The following ZNF362 variants were observed in gnomAD, a reference collection of about 807,000 sequenced individuals.
The protein encoded by ZNF362 is rotund homolog.
A neutral mutation model predicts 42.9 loss-of-function variants in ZNF362; 11 were observed. That is an observed-to-expected ratio of 0.26 (90% CI 0.16 to 0.42). The LOEUF is 0.42. Ranked by LOEUF, ZNF362 falls within the 20% of genes least tolerant of loss-of-function variation. The pLI is 1.00. For synonymous variants in ZNF362, 255 were observed against 257.3 expected, an observed-to-expected ratio of 0.99 and a Z score of 0.09; for missense variants, 362 against 576.2, an observed-to-expected ratio of 0.63 and a Z score of 3.81.
At chr1:33,215,885 T>C in the ZNF362 span, among the ~76,000 whole-genome samples, 2 of 151,450 alleles carry the variant, frequency 1.3e-5, no homozygotes, top group East Asian at 3.9e-4. Context: ...TATATGCTTA[T>C]TATGTATAAC....
intron 8 of ZNF362, among the ~76,000 whole-genome samples, chr1:33,297,039 T>C (rs1399947897): frequency 6.6e-6 from 1 of 152,148 alleles, no homozygotes; most frequent in Non-Finnish European, 1.5e-5. Context: ...TTGTTGGCAG[T>C]ACTTGTCAGG....
the ZNF362 span, chr1:33,142,161 T>A: frequency 1.3e-5 from 2 of 152,332 alleles, no homozygotes; most frequent in African/African-American, 2.4e-5. Flanking sequence ...AAGCCTGTGA[T>A]ACCGGGCCTT....
At chr1:33,204,196 T>A in the ZNF362 span, among the ~76,000 whole-genome samples, 7 of 152,262 alleles carry the variant, frequency 4.6e-5, no homozygotes, top group Admixed American at 4.6e-4. Flanking sequence ...CATGTGGAAA[T>A]CTAGTTTTTC....
chr1:33,138,940 T>C, the ZNF362 span, among the ~76,000 whole-genome samples: 1 of 152,272 alleles, frequency 6.6e-6, no homozygotes, highest in East Asian at 1.9e-4. Context: ...AGATGGACAG[T>C]ATGTGAAAGA....
At chr1:33,296,997 G>T (rs1259248521) in intron 8 of ZNF362, among the ~76,000 whole-genome samples, 1 of 152,096 alleles carries the variant, frequency 6.6e-6, no homozygotes, top group African/African-American at 2.4e-5. Context: ...AGGTCACTCT[G>T]GCTGGAGGCT....
In ZNF362 at chr1:33,294,562, C is replaced by T. The variant is rs1646103425; in HGVS notation, c.909-375C>T. On this transcript the variant is annotated intron_variant, in intron 6 of 8. Transcript: ENST00000539719. This position sits in a 1 kb window ranked among gnomAD's most constrained non-coding sequence, Gnocchi z 4.2. ...GGAGGCTGGGTGGGCAGGGAAGGTC[C>T]CGACAAAGCTGTGCATCTGTGTTCT... Among the ~76,000 whole-genome samples, 2 of 152,254 alleles carry T rather than the reference C, an allele frequency of 1.3e-5. No homozygotes were observed. Among genetic ancestry groups the T allele is most frequent in the South Asian group, 4.1e-4 (2 of 4,832 alleles).
At chr1:33,235,369 A>G in the ZNF362 span, among the ~76,000 whole-genome samples, 2 of 152,104 alleles carry the variant, frequency 1.3e-5, no homozygotes, top group Admixed American at 1.3e-4. Context: ...CGATGCCTGT[A>G]AGGGAGACAC....
chr1:33,181,622 G>A, the ZNF362 span: 24 of 1,072,034 alleles, frequency 2.2e-5, no homozygotes, highest in Non-Finnish European at 2.9e-5. The surrounding 1 kb of genome is among the most constrained non-coding windows in gnomAD (Gnocchi z 6.5). Context: ...GCGCGGCTGA[G>A]ACTCCGTGGG....
the ZNF362 span, among the ~76,000 whole-genome samples, chr1:33,251,200 G>T: frequency 6.6e-6 from 1 of 152,190 alleles, no homozygotes; most frequent in Non-Finnish European, 1.5e-5. Flanking sequence ...CAGGGTCAAG[G>T]TCCCATGGTG....
At chr1:33,259,812 A>G (rs904172367) in intron 1 of ZNF362, among the ~76,000 whole-genome samples, 1 of 152,230 alleles carries the variant, frequency 6.6e-6, no homozygotes, top group African/African-American at 2.4e-5. Context: ...CAGAGAATGG[A>G]AAGCTTGAAG....
chr1:33,279,479 T>G (rs1225197532), intron 4 of ZNF362, among the ~76,000 whole-genome samples: 2 of 142,624 alleles, frequency 1.4e-5, no homozygotes, highest in African/African-American at 2.6e-5. Context: ...AATTTTTAGT[T>G]TTTTTTTTTT....
the ZNF362 span, among the ~76,000 whole-genome samples, chr1:33,210,268 G>C: frequency 6.6e-6 from 1 of 152,188 alleles, no homozygotes; most frequent in Non-Finnish European, 1.5e-5. Flanking sequence ...GTTCCAATTT[G>C]ATTGTACTGT....
At chr1:33,256,269 G>T (rs1645789094), upstream of ZNF362, among the ~76,000 whole-genome samples, 1 of 141,044 alleles carries the variant, frequency 7.1e-6, no homozygotes, top group Non-Finnish European at 1.6e-5. Context: ...CCCCCGCCCG[G>T]CCCCCTCCCC....
At chr1:33,136,691 C>G in the ZNF362 span, among the ~76,000 whole-genome samples, 4 of 151,634 alleles carry the variant, frequency 2.6e-5, no homozygotes, top group East Asian at 8.0e-4. Context: ...TTCCGGTTCC[C>G]CAACAACTGT....
In ZNF362 at chr1:33,281,311, G is replaced by C. The variant is rs1389781422; in HGVS notation, c.684-276G>C. Among the ~76,000 whole-genome samples, 1 of 152,080 alleles carries C rather than the reference G, an allele frequency of 6.6e-6. No homozygotes were observed. Among genetic ancestry groups the C allele is most frequent in the Non-Finnish European group, 1.5e-5 (1 of 68,022 alleles). On this transcript the variant is annotated intron_variant, in intron 5 of 8. Coordinates refer to ENST00000539719, the MANE Select transcript of ZNF362 (RefSeq NM_152493.3). The surrounding 1 kb of genome is among the most constrained non-coding windows in gnomAD (Gnocchi z 4.8). ...CCCAGAACCGTGGGATATAGCCCTG[G>C]GCAAACCCTCACCAGGATCAGGCCT...
chr1:33,205,095 T>C, the ZNF362 span, among the ~76,000 whole-genome samples: 1 of 152,188 alleles, frequency 6.6e-6, no homozygotes. Flanking sequence ...AAAATTCATC[T>C]ATATATTTAA....
chr1:33,139,301 T>G, the ZNF362 span, among the ~76,000 whole-genome samples: 1 of 152,110 alleles, frequency 6.6e-6, no homozygotes, highest in East Asian at 1.9e-4. Context: ...GATGGGGTAG[T>G]TTCAAAATTA....
the ZNF362 span, among the ~76,000 whole-genome samples, chr1:33,215,101 C>G: frequency 1.3e-5 from 2 of 152,026 alleles, no homozygotes; most frequent in African/African-American, 2.4e-5. Flanking sequence ...TCTAAGTGTC[C>G]CCAAATAGAT....
At chr1:33,210,723 T>C in the ZNF362 span, among the ~76,000 whole-genome samples, 1 of 152,132 alleles carries the variant, frequency 6.6e-6, no homozygotes, top group African/African-American at 2.4e-5. Flanking sequence ...TTAAAGTCTG[T>C]TTTATCAGAG....
Sources: allele counts gnomAD v4.1 joint callset (sites outside exome capture counted in the v4.1 genomes callset), GRCh38; gene constraint gnomAD v4.1.1; non-coding constraint Gnocchi (gnomAD v3.1); transcripts MANE v1.5; gene names NCBI Gene and HGNC (gene_info 2026-07-23, HGNC 2026-07-21).